Variants in KCNIP4 observed in about 807,000 individuals in gnomAD.
KCNIP4 encodes potassium voltage-gated channel interacting protein 4.
In KCNIP4, 12 loss-of-function variants were observed where a neutral mutation model predicts 34.0. The observed-to-expected ratio is 0.35, with a 90% CI of 0.23 to 0.57. The LOEUF (loss-of-function observed/expected upper bound fraction) is 0.57, where lower values mean the gene tolerates loss of function less well. Ranked by LOEUF, KCNIP4 falls within the 20% of genes least tolerant of loss-of-function variation. KCNIP4 has a pLI of 0.83. For synonymous variants in KCNIP4, 124 were observed against 102.2 expected (o/e 1.21, Z -1.29); for missense variants, 238 against 311.7 (o/e 0.76, Z 1.78).
chr4:21,909,623 C>T (rs1238835782), intron 1 of KCNIP4, among the ~76,000 whole-genome samples: 1 of 152,124 alleles, frequency 6.6e-6, no homozygotes, highest in Non-Finnish European at 1.5e-5. Flanking sequence ...TTCTCAACTC[C>T]TATCACAATA....
chr4:20,999,124 A>G (rs1231139047), intron 1 of KCNIP4, among the ~76,000 whole-genome samples: 2 of 152,210 alleles, frequency 1.3e-5, no homozygotes, highest in African/African-American at 4.8e-5. Context: ...CATCATCTGA[A>G]CAGAGCTCTT....
chr4:21,191,966 G>T (rs1755679057), intron 1 of KCNIP4, among the ~76,000 whole-genome samples: 1 of 152,118 alleles, frequency 6.6e-6, no homozygotes, highest in South Asian at 2.1e-4. Flanking sequence ...TTCCAGTAGA[G>T]ATCTTGATTC....
chr4:21,797,586 T>C (rs1466758145), intron 1 of KCNIP4, among the ~76,000 whole-genome samples: 1 of 152,236 alleles, frequency 6.6e-6, no homozygotes, highest in Non-Finnish European at 1.5e-5. Context: ...CACATTTGAA[T>C]GCTTATAACT....
chr4:21,863,567 C>A, intron 1 of KCNIP4, among the ~76,000 whole-genome samples: 1 of 151,950 alleles, frequency 6.6e-6, no homozygotes, highest in Non-Finnish European at 1.5e-5. Flanking sequence ...AAGAGAGGCA[C>A]AGAACAAATA....
chr4:21,092,039 CA>C (rs1747044656), intron 1 of KCNIP4, among the ~76,000 whole-genome samples: 1 of 152,172 alleles, frequency 6.6e-6, no homozygotes, highest in Admixed American at 6.5e-5. Flanking sequence ...CACCAAAATT[CA>C]AACTCAAGTT....
At chr4:20,771,354 T>C (rs1045632127) in intron 3 of KCNIP4, among the ~76,000 whole-genome samples, 2 of 152,212 alleles carry the variant, frequency 1.3e-5, no homozygotes, top group African/African-American at 4.8e-5. Flanking sequence ...CTGGACTCCT[T>C]ATGTGAGATT....
At position 21,110,161 on chromosome 4, in the gene KCNIP4, G is replaced by A. The variant is rs187658109; in HGVS notation, c.62-227452C>T. ...AGTTTATAAGTTGTTGCACTTTTTT[G>A]AGGATTTTAGATTTAGGACTTTCAT... On this transcript the variant is annotated intron_variant, in intron 1 of 8. Transcript: ENST00000382152. Among the ~76,000 whole-genome samples, 84 of 152,200 alleles carry A rather than the reference G, an allele frequency of 5.5e-4. 2 individuals carry two copies. The East Asian group carries it at 0.014, about 25-fold the overall frequency.
intron 1 of KCNIP4, among the ~76,000 whole-genome samples, chr4:21,692,026 T>C (rs1560634474): frequency 6.6e-6 from 1 of 151,974 alleles, no homozygotes; most frequent in Non-Finnish European, 1.5e-5. Context: ...GAACATGAGC[T>C]CCTCCCTTTA....
intron 1 of KCNIP4, among the ~76,000 whole-genome samples, chr4:21,866,106 G>A (rs1410252867): frequency 6.6e-6 from 1 of 152,076 alleles, no homozygotes; most frequent in Admixed American, 6.5e-5. Flanking sequence ...TTTAAATAAA[G>A]CTTGCAGAGT....
chr4:20,739,750 G>A (rs927201795), intron 5 of KCNIP4, among the ~76,000 whole-genome samples: 1 of 152,216 alleles, frequency 6.6e-6, no homozygotes, highest in Admixed American at 6.5e-5. Flanking sequence ...ACTTTGATGA[G>A]CTGACAGAAG....
At chr4:21,086,908 T>C (rs1746485621) in intron 1 of KCNIP4, among the ~76,000 whole-genome samples, 1 of 149,232 alleles carries the variant, frequency 6.7e-6, no homozygotes, top group South Asian at 2.2e-4. Context: ...TTTCTCCCTC[T>C]CTTTCCCTCT....
intron 1 of KCNIP4, among the ~76,000 whole-genome samples, chr4:21,447,256 C>T (rs968477192): frequency 6.6e-6 from 1 of 151,972 alleles, no homozygotes; most frequent in African/African-American, 2.4e-5. Flanking sequence ...AGATGCTGGC[C>T]ATGAAGATCG....
At chr4:21,469,335 C>T (rs1445950248) in intron 1 of KCNIP4, among the ~76,000 whole-genome samples, 2 of 152,088 alleles carry the variant, frequency 1.3e-5, no homozygotes, top group Admixed American at 1.3e-4. Flanking sequence ...TATGAGCCAC[C>T]GCACCTGGCC....
intron 1 of KCNIP4, among the ~76,000 whole-genome samples, chr4:20,908,504 T>G (rs753497411): frequency 6.6e-6 from 1 of 152,256 alleles, no homozygotes; most frequent in Non-Finnish European, 1.5e-5. Context: ...TCTTTATGTC[T>G]TGAAGCCATC....
chr4:20,979,666 G>A (rs1735878064), intron 1 of KCNIP4, among the ~76,000 whole-genome samples: 1 of 151,944 alleles, frequency 6.6e-6, no homozygotes, highest in African/African-American at 2.4e-5. Flanking sequence ...CCAAAGTGCT[G>A]GGATTACAGG....
intron 1 of KCNIP4, among the ~76,000 whole-genome samples, chr4:21,101,981 G>C (rs1410164697): frequency 6.6e-6 from 1 of 152,144 alleles, no homozygotes; most frequent in Non-Finnish European, 1.5e-5. Flanking sequence ...AGACACAAAA[G>C]AAGAGGACAG....
intron 1 of KCNIP4, among the ~76,000 whole-genome samples, chr4:21,191,604 A>C (rs564294710): frequency 1.3e-5 from 2 of 152,312 alleles, no homozygotes; most frequent in East Asian, 3.9e-4. Flanking sequence ...GTCCACATTA[A>C]CCATGGTCGG....
At chr4:20,882,185 T>C (rs1414648345) in intron 2 of KCNIP4, among the ~76,000 whole-genome samples, 1 of 152,156 alleles carries the variant, frequency 6.6e-6, no homozygotes, top group Non-Finnish European at 1.5e-5. Context: ...TTGTAATCTT[T>C]TTTCTAATCT....
chr4:21,117,923 AC>A (rs1237520441), intron 1 of KCNIP4, among the ~76,000 whole-genome samples: 1 of 152,142 alleles, frequency 6.6e-6, no homozygotes, highest in Non-Finnish European at 1.5e-5. Context: ...AGAATAAAGA[AC>A]CTAGACAAAA....
Sources: allele counts gnomAD v4.1 joint callset (sites outside exome capture counted in the v4.1 genomes callset), GRCh38; gene constraint gnomAD v4.1.1; transcripts MANE v1.5; gene names NCBI Gene and HGNC (gene_info 2026-07-23, HGNC 2026-07-21).